Variants in ABCA13 observed in about 807,000 individuals in gnomAD.
ABCA13 encodes the protein ATP binding cassette subfamily A member 13.
In ABCA13, 476 loss-of-function variants were observed where a neutral mutation model predicts 478.7. The ratio of observed to expected loss-of-function variants is 0.99; its 90% confidence interval spans 0.92 to 1.07. ABCA13 has a LOEUF of 1.07. Ranked by LOEUF, ABCA13 falls within the 50% of genes least tolerant of loss-of-function variation. The probability of loss-of-function intolerance (pLI) is 0.00; values close to 1 mark genes in which losing one functional copy is unlikely to be tolerated. For missense variants in ABCA13, 6,060 were observed against 5,910.6 expected (o/e 1.03, Z -0.83); for synonymous variants, 2,252 against 2,158.9 (o/e 1.04, Z -1.20).
chr7:48,253,568 C>T (rs866303792), intron 15 of ABCA13, among the ~76,000 whole-genome samples: 3 of 152,312 alleles, frequency 2.0e-5, no homozygotes, highest in African/African-American at 7.2e-5. Flanking sequence ...CTCACTGCAA[C>T]CTTTGCTTCC....
Position 48,576,156 on chromosome 7 carries a change from A to G in ABCA13, c.14355-4068A>G, listed in dbSNP as rs1241768304. Among the ~76,000 whole-genome samples the G allele has an allele frequency of 3.3e-5, 5 of 151,510 alleles. No individual in the cohort carries two copies. The East Asian group carries it at 1.0e-3, about 30-fold the overall frequency. On this transcript the variant is annotated intron_variant, in intron 55 of 61. Coordinates refer to ENST00000435803, the MANE Select transcript of ABCA13 (RefSeq NM_152701.5). Reference sequence around the variant, plus strand: ...AGTATTTTATATAAAGGACTTGAGCATCTGTGGATTTTTAGTATCCAAAGG... The same window carrying G: ...AGTATTTTATATAAAGGACTTGAGCGTCTGTGGATTTTTAGTATCCAAAGG...
chr7:48,618,773 T>C (rs1434791851), intron 59 of ABCA13, among the ~76,000 whole-genome samples: 2 of 152,184 alleles, frequency 1.3e-5, no homozygotes, highest in Non-Finnish European at 2.9e-5. Context: ...GGATTGTGGC[T>C]TAACATGTGA....
intron 35 of ABCA13, 62 bp downstream of exon 35, chr7:48,376,634 G>C: frequency 6.6e-7 from 1 of 1,504,346 alleles, no homozygotes; most frequent in Non-Finnish European, 9.2e-7. Flanking sequence ...GAATTAATAT[G>C]CATAAATATT....
intron 29 of ABCA13, among the ~76,000 whole-genome samples, chr7:48,348,759 C>T (rs190969988): frequency 1.6e-4 from 24 of 152,300 alleles, no homozygotes; most frequent in Non-Finnish European, 2.9e-4. Flanking sequence ...AAATCTCAGG[C>T]TTAGAGACTG....
At chr7:48,261,205 A>G (rs556263460) in intron 15 of ABCA13, among the ~76,000 whole-genome samples, 11 of 152,034 alleles carry the variant, frequency 7.2e-5, no homozygotes, top group African/African-American at 2.4e-4. Context: ...AAGTATTTTT[A>G]TTTATTTATC....
intron 27 of ABCA13, among the ~76,000 whole-genome samples, chr7:48,319,923 T>G (rs924644424): frequency 2.0e-5 from 3 of 152,172 alleles, no homozygotes; most frequent in Non-Finnish European, 2.9e-5. Flanking sequence ...TAGTAAGGCC[T>G]TCCGCCTCTG....
chr7:48,591,556 C>T (rs150926399), intron 57 of ABCA13, among the ~76,000 whole-genome samples: 19 of 151,986 alleles, frequency 1.3e-4, no homozygotes, highest in African/African-American at 3.9e-4. Flanking sequence ...GTCTGTAGAT[C>T]GCTTTGGGTA....
chr7:48,522,494 G>A (rs532212665), intron 53 of ABCA13, among the ~76,000 whole-genome samples: 1 of 152,202 alleles, frequency 6.6e-6, no homozygotes, highest in Non-Finnish European at 1.5e-5. Flanking sequence ...ACACTGTTCA[G>A]ATATGAGATA....
chr7:48,247,253 A>AAAAT (rs1791837598), intron 13 of ABCA13, among the ~76,000 whole-genome samples: 1 of 152,156 alleles, frequency 6.6e-6, no homozygotes, highest in East Asian at 1.9e-4. Flanking sequence ...TAAAGAAAAG[A>AAAAT]AAATAAATAA....
intron 32 of ABCA13, among the ~76,000 whole-genome samples, chr7:48,371,016 T>C (rs111730077): frequency 1.1e-3 from 160 of 152,190 alleles, no homozygotes; most frequent in African/African-American, 3.6e-3. Context: ...GTTTTCCTGG[T>C]ACCATTTATT....
In ABCA13 at chr7:48,278,279, T is replaced by C. The variant is rs766229038; in HGVS notation, c.7085T>C (p.Met2362Thr). Reference sequence around the variant, plus strand: ...GATACTCATCAAGGACTGAAGTTCATGCAAGATTTATTTAATGCCCTTCTC... The same window carrying C: ...GATACTCATCAAGGACTGAAGTTCACGCAAGATTTATTTAATGCCCTTCTC... ...YFDTHQGLKF[M>T]QDLFNALLRE... is the part of the protein sequence containing the mutation. The change falls in exon 18 of 62, where the codon ATG becomes ACG. Residue 2362 changes from methionine (M) to threonine (T), a missense_variant. By Grantham distance (81) the Met-to-Thr change is moderately conservative (BLOSUM62 -1). Coordinates refer to ENST00000435803, the MANE Select transcript of ABCA13 (RefSeq NM_152701.5). 2.5e-6 allele frequency: 4 copies of C among 1,612,434 alleles called. No individual in the cohort carries two copies. In the African/African-American group the frequency reaches 5.3e-5, roughly 22 times the overall value.
intron 40 of ABCA13, among the ~76,000 whole-genome samples, chr7:48,411,997 C>G (rs1377288385): frequency 6.6e-6 from 1 of 152,120 alleles, no homozygotes; most frequent in East Asian, 1.9e-4. Context: ...ACCCAGTTTT[C>G]TGCTGTTCAA....
chr7:48,239,166 G>T, intron 8 of ABCA13, 75 bp from the exon 9 acceptor site: 1 of 1,480,812 alleles, frequency 6.8e-7, no homozygotes. Flanking sequence ...TGGCAAGATC[G>T]TGGTGTTATT....
chr7:48,404,477 G>A (rs1332272386), intron 39 of ABCA13: 2 of 163,908 alleles, frequency 1.2e-5, no homozygotes, highest in African/African-American at 4.8e-5. Flanking sequence ...AAGAAACATT[G>A]CAACAGTAAA....
intron 58 of ABCA13, among the ~76,000 whole-genome samples, chr7:48,611,658 T>C (rs1792038842): frequency 6.6e-6 from 1 of 152,084 alleles, no homozygotes; most frequent in Non-Finnish European, 1.5e-5. Flanking sequence ...CTCACTATCA[T>C]GAGAAAAGCA....
At chr7:48,483,714 T>C (rs1829010553) in intron 47 of ABCA13, among the ~76,000 whole-genome samples, 1 of 152,206 alleles carries the variant, frequency 6.6e-6, no homozygotes, top group African/African-American at 2.4e-5. Context: ...AGAGGAAAGA[T>C]GCCTTGATCC....
In ABCA13 at chr7:48,410,585, G is replaced by A. The variant is rs202134320; in HGVS notation, c.12136G>A (p.Val4046Ile). 51 of 1,614,010 alleles carry A rather than the reference G, an allele frequency of 3.2e-5. No homozygotes were observed. Among genetic ancestry groups the A allele is most frequent in the East Asian group, 2.2e-4 (10 of 44,866 alleles). ...TGAAGCGCTGAGTGACCGCGTGGCC[G>A]TCCTCCAGCATGGGAGGCTCAGGTG... ...EAEALSDRVA[V>I]LQHGRLRCCG... Residue 4046 changes from valine to isoleucine, a missense_variant, in exon 40 of 62, where the codon GTC (valine) becomes ATC (isoleucine). Around this residue, in one of 3 missense-constraint regions of ABCA13, gnomAD observed 1,627 missense variants for 1,571.0 expected, o/e 1.04. Coordinates refer to ENST00000435803, the MANE Select transcript of ABCA13 (RefSeq NM_152701.5).
At chr7:48,244,549 A>T in intron 10 of ABCA13, 27 bp from the exon 11 acceptor site, 1 of 1,600,342 alleles carries the variant, frequency 6.2e-7, no homozygotes, top group East Asian at 2.2e-5. Flanking sequence ...TTTTCATTTT[A>T]TTTCATTTAT....
intron 27 of ABCA13, among the ~76,000 whole-genome samples, chr7:48,327,016 A>G (rs1804434089): frequency 6.6e-6 from 1 of 152,216 alleles, no homozygotes; most frequent in African/African-American, 2.4e-5. Context: ...TCTAACACCA[A>G]TAATTTCACT....
Sources: allele counts gnomAD v4.1 joint callset (sites outside exome capture counted in the v4.1 genomes callset), GRCh38; gene constraint gnomAD v4.1.1; regional missense constraint gnomAD v4.1.1; transcripts MANE v1.5; gene names NCBI Gene and HGNC (gene_info 2026-07-23, HGNC 2026-07-21).